RBM12: variants seen among roughly 807,000 people sequenced by gnomAD.
RBM12 encodes RNA-binding protein 12.
A neutral mutation model predicts 37.2 loss-of-function variants in RBM12; 24 were observed. The observed-to-expected ratio is 0.65, with a 90% CI of 0.47 to 0.91. The LOEUF (loss-of-function observed/expected upper bound fraction) is 0.91. RBM12 is among the 40% of genes least tolerant of loss of function. The pLI is 0.00. For synonymous variants in RBM12, 420 were observed against 425.2 expected (o/e 0.99, Z 0.15); for missense variants, 1,061 against 1,183.2 (o/e 0.90, Z 1.52).
chr20:35,654,020 TCAAGTAAA>T lies in RBM12; in HGVS notation c.1295_1302del (p.Val432GlufsTer6). On this transcript the variant is annotated frameshift_variant, in exon 3 of 3. Transcript: ENST00000374114. LOFTEE classifies it high-confidence loss of function. Reference sequence around the variant, plus strand: ...TTTTCTGCTTCAAATGGTAGCCCTTTCAAGTAAACACAAAAACCAGCCTCATGTGGTGA... The same window carrying T: ...TTTTCTGCTTCAAATGGTAGCCCTTTCACAAAAACCAGCCTCATGTGGTGA... 1 of 1,614,240 alleles carries T rather than the reference TCAAGTAAA, an allele frequency of 6.2e-7. No homozygotes were observed. Among genetic ancestry groups the T allele is most frequent in the Non-Finnish European group, 8.5e-7 (1 of 1,180,050 alleles).
At position 35,649,200 on chromosome 20, in the gene RBM12, TC is replaced by T. The variant is rs1316019543; in HGVS notation, c.*3323del. Reference sequence around the variant, plus strand: ...AAAGTGACCACTTCCAGAAATTCTTTCCAAAAGATTTGACTAGCAGCAATTT... The same window carrying T: ...AAAGTGACCACTTCCAGAAATTCTTTCAAAAGATTTGACTAGCAGCAATTT... On this transcript the variant is annotated 3_prime_UTR_variant, in exon 3 of 3. Transcript: ENST00000374114. The T allele has an allele frequency of 6.6e-6, 1 of 152,250 alleles. No individual in the cohort carries two copies. Among genetic ancestry groups the T allele is most frequent in the Non-Finnish European group, 1.5e-5 (1 of 68,046 alleles). The allele number at this position is 152,250 out of a possible 1,614,324, so 9.4% of individuals were successfully genotyped here.
Position 35,652,207 on chromosome 20 carries a change from T to C in RBM12, c.*317A>G. On this transcript the variant is annotated 3_prime_UTR_variant, in exon 3 of 3. Transcript: ENST00000374114. ...TGACATTTCTATTTTCTTCATCCCA[T>C]ATGGTATAAAACAAAACCAATCTAG... 1 of 206,514 alleles carries C rather than the reference T, an allele frequency of 4.8e-6. No individual in the cohort carries two copies. The highest frequency in any genetic ancestry group is 1.2e-4 in the East Asian group (1 of 8,540). 12.8% of individuals were successfully genotyped at this position (206,514 alleles called of 1,614,324 possible). A position where few individuals can be genotyped will look rare whatever the true frequency, so the allele number is the denominator to read the frequency against.
In RBM12 at chr20:35,654,815, T is replaced by C. The variant is rs201755733; in HGVS notation, c.508A>G (p.Thr170Ala). The C allele has an allele frequency of 8.5e-5, 137 of 1,614,112 alleles. No individual in the cohort carries two copies. Among genetic ancestry groups the C allele is most frequent in the South Asian group, 8.8e-5 (8 of 91,088 alleles). The change falls in exon 3 of 3, where the codon ACG becomes GCG. Residue 170 changes from threonine (T) to alanine (A), a missense_variant. Thr to Ala is a moderately conservative substitution (Grantham distance 58). Transcript: ENST00000374114. ...GTGCTTGGAACAGTTGAGCTAAACGTTGGGCTCCCAAAGGAAGCCCCCATA... is the reference window on the plus strand; with the variant it reads ...GTGCTTGGAACAGTTGAGCTAAACGCTGGGCTCCCAAAGGAAGCCCCCATA... ...PNMGASFGSP[T>A]FSSTVPSTAS...
At chr20:35,658,478 C>A (rs961852973) in intron 2 of RBM12, among the ~76,000 whole-genome samples, 1 of 152,060 alleles carries the variant, frequency 6.6e-6, no homozygotes, top group African/African-American at 2.4e-5. Context: ...AAAAACCACA[C>A]CGGCCTGGGT....
intron 1 of RBM12, among the ~76,000 whole-genome samples, chr20:35,662,374 C>A (rs1388451249): frequency 6.6e-6 from 1 of 152,168 alleles, no homozygotes; most frequent in Non-Finnish European, 1.5e-5. Context: ...AAATTTTGTG[C>A]AAACCAAAAG....
intron 2 of RBM12, among the ~76,000 whole-genome samples, chr20:35,655,814 T>C (rs2033862545): frequency 6.6e-6 from 1 of 152,226 alleles, no homozygotes; most frequent in Admixed American, 6.5e-5. Context: ...AGTGTGATTT[T>C]ATAGAGCTCA....
rs763757415 is a variant in RBM12 at position 35,652,889 on chromosome 20, G to C, written c.2434C>G (p.Leu812Val). ...CCCAAATGCCCAGGGGCACTTCCAA[G>C]ACCAGGAGGGCCACTTCCAAACCCC... ...PPGFGSGPPG[L>V]GSAPGHLGGP... The change falls in exon 3 of 3, where the codon CTT (leucine) becomes GTT (valine). Residue 812 changes from leucine to valine, a missense_variant. Leu to Val is a conservative substitution (Grantham distance 32). Transcript: ENST00000374114. The C allele has an allele frequency of 9.3e-6, 15 of 1,613,428 alleles. No homozygotes were observed. The highest frequency in any genetic ancestry group is 1.3e-5 in the African/African-American group (1 of 74,946).
Position 35,652,830 on chromosome 20 carries a change from GGGGCCGGGGCCA to G in RBM12, c.2481_2492del (p.Gly834_Pro837del), listed in dbSNP as rs759276536. ...TATGGATTGGGCCAGGGCCGGGGCCGGGGCCGGGGCCAGGCCCAAAAGCTGGTGGCCCACCCA... is the reference window on the plus strand; with the variant it reads ...TATGGATTGGGCCAGGGCCGGGGCCGGGCCCAAAAGCTGGTGGCCCACCCA... On this transcript the variant is annotated inframe_deletion, in exon 3 of 3. Coordinates refer to ENST00000374114, the MANE Select transcript of RBM12 (RefSeq NM_006047.6). 13 of 1,604,004 alleles carry G rather than the reference GGGGCCGGGGCCA, an allele frequency of 8.1e-6. No individual in the cohort carries two copies. Among genetic ancestry groups the G allele is most frequent in the Non-Finnish European group, 1.1e-5 (13 of 1,175,084 alleles).
In RBM12 at chr20:35,655,153, A is replaced by G; in HGVS notation, c.170T>C (p.Met57Thr). ...FATDEDARLG[M>T]MRTGGTIKGS... ...TTTAATTGTACCACCTGTGCGCATC[A>G]TACCAAGCCTTGCATCTTCATCAGT... The change falls in exon 3 of 3, where the codon ATG (methionine) becomes ACG (threonine). Residue 57 changes from methionine (M) to threonine (T), a missense_variant. Transcript: ENST00000374114. The G allele has an allele frequency of 6.2e-7, 1 of 1,614,208 alleles. No individual in the cohort carries two copies. Among genetic ancestry groups the G allele is most frequent in the East Asian group, 2.2e-5 (1 of 44,890 alleles).
chr20:35,664,329 G>C (rs1423249926), intron 1 of RBM12: 1 of 152,344 alleles, frequency 6.6e-6, no homozygotes, highest in African/African-American at 2.4e-5. Context: ...TCGGGTTGAA[G>C]GAGTGTCCTC....
rs936541395 is a variant in RBM12, at chr20:35,651,031, A to T, written c.*1493T>A. 6.6e-6 allele frequency: 1 copy of T among 152,426 alleles called. No homozygotes were observed. Among genetic ancestry groups the T allele is most frequent in the African/African-American group, 2.4e-5 (1 of 41,434 alleles). 9.4% of individuals were successfully genotyped at this position (152,426 alleles called of 1,614,324 possible). On this transcript the variant is annotated 3_prime_UTR_variant, in exon 3 of 3. Transcript: ENST00000374114. Reference sequence around the variant, plus strand: ...AATGTGACACATTTTCAGAGCATTGACTAGGGAAAGTAACCATAACTAGAG... The same window carrying T: ...AATGTGACACATTTTCAGAGCATTGTCTAGGGAAAGTAACCATAACTAGAG...
intron 1 of RBM12, among the ~76,000 whole-genome samples, chr20:35,660,662 T>C (rs2034182850): frequency 6.6e-6 from 1 of 152,188 alleles, no homozygotes; most frequent in Non-Finnish European, 1.5e-5. Flanking sequence ...TACTGTAATA[T>C]TTATGTACAG....
rs1162452397 is a variant in RBM12, at chr20:35,653,426, CA to C, written c.1896del (p.Ala633ProfsTer7). 1 of 1,613,290 alleles carries C rather than the reference CA, an allele frequency of 6.2e-7. No homozygotes were observed. The highest frequency in any genetic ancestry group is 1.3e-5 in the African/African-American group (1 of 74,860). On this transcript the variant is annotated frameshift_variant, in exon 3 of 3. Coordinates refer to ENST00000374114, the MANE Select transcript of RBM12 (RefSeq NM_006047.6). LOFTEE classifies it high-confidence loss of function. ...EDMREIEKNP[P>X]AQGKKGLKMP... ...ATCTTTAATCCCTTTTTTCCTTGGG[CA>C]GGGGGATTTTTCTCAATCTCTCTCA...
At chr20:35,658,841 T>C (rs2034066406) in intron 2 of RBM12, 89 bp downstream of exon 2, 2 of 644,720 alleles carry the variant, frequency 3.1e-6, no homozygotes, top group Non-Finnish European at 5.7e-6. Flanking sequence ...ACACACACAA[T>C]ATAGTTGCTA....
intron 2 of RBM12, 112 bp downstream of exon 2, chr20:35,658,818 C>CACAT: frequency 1.8e-6 from 1 of 566,304 alleles, no homozygotes; most frequent in South Asian, 1.9e-5. Context: ...CACACACACA[C>CACAT]ACACACACAC....
At position 35,653,318 on chromosome 20, in the gene RBM12, C is replaced by T. The variant is rs543347279; in HGVS notation, c.2005G>A (p.Gly669Ser). The T allele has an allele frequency of 8.1e-6, 13 of 1,613,570 alleles. No homozygotes were observed. The highest frequency in any genetic ancestry group is 2.2e-5 in the East Asian group (1 of 44,846). Reference protein sequence around the residue: ...GVGLPSAGLPGAGLPSTGLPG... With the variant: ...GVGLPSAGLPSAGLPSTGLPG... ...AGTCCTGTGCTGGGCAGGCCTGCAC[C>T]GGGAAGTCCTGCACTGGGCAGTCCC... is the stretch of plus-strand genomic sequence containing the variant. Residue 669 changes from glycine to serine, a missense_variant, in exon 3 of 3, where the codon GGT becomes AGT. Around this residue, in one of 3 missense-constraint regions of RBM12, gnomAD observed 517 missense variants for 534.0 expected, o/e 0.97. Coordinates refer to ENST00000374114, the MANE Select transcript of RBM12 (RefSeq NM_006047.6).
Position 35,653,142 on chromosome 20 carries a change from A to T in RBM12, c.2181T>A (p.Phe727Leu). ...GTGGCCCAAAGGCATTTGATCCACCAAAATTACCAGGAAAGTTAAATGGAG... is the reference window on the plus strand; with the variant it reads ...GTGGCCCAAAGGCATTTGATCCACCTAAATTACCAGGAAAGTTAAATGGAG... The part of the protein sequence containing the change: ...NGPPFNFPGN[F>L]GGSNAFGPPI... The change falls in exon 3 of 3, where the codon TTT becomes TTA. Residue 727 changes from phenylalanine to leucine, a missense_variant. Phe to Leu is a conservative substitution (Grantham distance 22). This residue lies in a region of RBM12 where 517 missense variants were observed against 534.0 expected (regional missense o/e 0.97). Coordinates refer to ENST00000374114, the MANE Select transcript of RBM12 (RefSeq NM_006047.6). 1 of 1,613,668 alleles carries T rather than the reference A, an allele frequency of 6.2e-7. No individual in the cohort carries two copies. Among genetic ancestry groups the T allele is most frequent in the Non-Finnish European group, 8.5e-7 (1 of 1,180,030 alleles).
At chr20:35,656,117 A>G (rs1406356106) in intron 2 of RBM12, among the ~76,000 whole-genome samples, 3 of 152,152 alleles carry the variant, frequency 2.0e-5, no homozygotes, top group African/African-American at 7.3e-5. Flanking sequence ...AGTCCCATTC[A>G]CTGTGACTAT....
At position 35,653,184 on chromosome 20, in the gene RBM12, C is replaced by CT. The variant is rs1193043038; in HGVS notation, c.2138dup (p.Glu714GlyfsTer4). On this transcript the variant is annotated frameshift_variant, in exon 3 of 3. Transcript: ENST00000374114. LOFTEE classifies it high-confidence loss of function. Reference sequence around the variant, plus strand: ...TAAATGGAGGCCCATTATTGGCTTCCTTTGATCCTACAGTCAGGAAGGCAT... The same window carrying CT: ...TAAATGGAGGCCCATTATTGGCTTCCTTTTGATCCTACAGTCAGGAAGGCAT... 6.2e-7 allele frequency: 1 copy of CT among 1,613,490 alleles called. No individual in the cohort carries two copies. The highest frequency in any genetic ancestry group is 1.7e-5 in the Admixed American group (1 of 60,024).
Sources: gnomAD v4.1 joint callset for allele counts (sites outside exome capture counted in the v4.1 genomes callset) on GRCh38, gnomAD v4.1.1 for gene constraint, gnomAD v4.1.1 regional missense constraint, MANE v1.5 for transcripts, NCBI Gene and HGNC (gene_info 2026-07-23, HGNC 2026-07-21) for gene names.